Variants in LYSMD3 observed in about 807,000 individuals in gnomAD.
LYSMD3 encodes lysM and putative peptidoglycan-binding domain-containing protein 3.
LYSMD3 carries 13 observed loss-of-function variants against 26.1 expected under a neutral mutation model. The ratio of observed to expected loss-of-function variants is 0.50; its 90% CI spans 0.32 to 0.79. The LOEUF is 0.79. Ranked by LOEUF, LYSMD3 falls within the 30% of genes least tolerant of loss-of-function variation. The pLI is 0.03. For missense variants in LYSMD3, 331 were observed against 362.5 expected (o/e 0.91, Z 0.71); for synonymous variants, 109 against 119.4 (o/e 0.91, Z 0.57).
At chr5:90,527,019 G>A (rs1040236307) in intron 1 of LYSMD3, 1 of 152,098 alleles carries the variant, frequency 6.6e-6, no homozygotes, top group Admixed American at 6.6e-5. Flanking sequence ...ATATGGATAA[G>A]GAGTGTCCAG....
intron 1 of LYSMD3, among the ~76,000 whole-genome samples, chr5:90,528,430 A>T (rs1208156661): frequency 6.6e-6 from 1 of 152,204 alleles, no homozygotes; most frequent in Non-Finnish European, 1.5e-5. Flanking sequence ...GCCATTTTAG[A>T]TACTTGTTTC....
Position 90,519,171 on chromosome 5 carries a change from G to T in LYSMD3, c.569C>A (p.Thr190Lys), listed in dbSNP as rs752623555. The change falls in exon 3 of 3, where the codon ACA (threonine) becomes AAA (lysine). Residue 190 changes from threonine (T) to lysine (K), a missense_variant. This residue lies in a region of LYSMD3 where 262 missense variants were observed against 267.3 expected (regional missense o/e 0.98). Transcript: ENST00000315948. ...AGGTTCAAAACGCATTTGTTGTGCT[G>T]TTAAGGCCGATACTACCTCATTGAG... is the stretch of plus-strand genomic sequence containing the variant. ...ENLNEVVSAL[T>K]AQQMRFEPDN... 1 of 1,613,858 alleles carries T rather than the reference G, an allele frequency of 6.2e-7. No homozygotes were observed. The highest frequency in any genetic ancestry group is 8.5e-7 in the Non-Finnish European group (1 of 1,179,972).
rs1420434471 is a variant in LYSMD3, at chr5:90,524,914, A to G, written c.255+121T>C. ...GCCCATGTGACACAGATTTCTATGC[A>G]AAAAATAAGAGCAAAAAATGGAGAA... On this transcript the variant is annotated intron_variant, in intron 2 of 2. Coordinates refer to ENST00000315948, the MANE Select transcript of LYSMD3 (RefSeq NM_198273.2). The G allele has an allele frequency of 1.3e-5, 13 of 1,022,112 alleles. No homozygotes were observed. The East Asian group carries it at 1.6e-4, about 12-fold the overall frequency. 63.3% of individuals were successfully genotyped at this position (1,022,112 alleles called of 1,614,324 possible). A position where few individuals can be genotyped will look rare whatever the true frequency, so the allele number is the denominator to read the frequency against.
chr5:90,525,622 G>A (rs1753205804), intron 1 of LYSMD3, among the ~76,000 whole-genome samples: 1 of 152,126 alleles, frequency 6.6e-6, no homozygotes, highest in South Asian at 2.1e-4. Flanking sequence ...GCTAATTTTT[G>A]TATTTTTAGT....
Position 90,518,840 on chromosome 5 carries a change from A to T in LYSMD3, c.900T>A (p.Pro300=), listed in dbSNP as rs143346266. 1 of 1,613,216 alleles carries T rather than the reference A, an allele frequency of 6.2e-7. No homozygotes were observed. Among genetic ancestry groups the T allele is most frequent in the East Asian group, 2.2e-5 (1 of 44,858 alleles). ...ATTGCTATGTTTCCTGTTGAGCAGCAGGTGACTGAGAATCTTGACTATACA... is the reference window on the plus strand; with the variant it reads ...ATTGCTATGTTTCCTGTTGAGCAGCTGGTGACTGAGAATCTTGACTATACA... The part of the protein sequence containing the change: ...HKLYSQDSQS[P]AAQQET Residue 300 remains proline (P), a synonymous_variant, in exon 3 of 3, where the codon CCT becomes CCA. Coordinates refer to ENST00000315948, the MANE Select transcript of LYSMD3 (RefSeq NM_198273.2).
At chr5:90,525,370 T>C in intron 1 of LYSMD3, 70 bp from the exon 2 acceptor site, 1 of 1,356,480 alleles carries the variant, frequency 7.4e-7, no homozygotes. Flanking sequence ...GCATGCATCG[T>C]ACATTCAGGA....
chr5:90,527,411 ATTTT>A (rs71614754), intron 1 of LYSMD3, among the ~76,000 whole-genome samples: 3 of 140,682 alleles, frequency 2.1e-5, no homozygotes, highest in African/African-American at 5.3e-5. Flanking sequence ...TATTAATGGT[ATTTT>A]TTTTTTTTTT....
At position 90,519,302 on chromosome 5, in the gene LYSMD3, T is replaced by C. The variant is rs780224805; in HGVS notation, c.438A>G (p.Pro146=). 3.9e-5 allele frequency: 63 copies of C among 1,614,128 alleles called. No homozygotes were observed. Among genetic ancestry groups the C allele is most frequent in the Non-Finnish European group, 5.3e-5 (63 of 1,180,004 alleles). Reference sequence around the variant, plus strand: ...CACTGTAAGCAAGAGAATCATTAGCTGGCAAAATTTCCTGTTGTTCGGAAG... The same window carrying C: ...CACTGTAAGCAAGAGAATCATTAGCCGGCAAAATTTCCTGTTGTTCGGAAG... ...QYSSEQQEIL[P]ANDSLAYSDS... is the part of the protein sequence containing the mutation. Residue 146 remains proline, a synonymous_variant, in exon 3 of 3, where the codon CCA becomes CCG. Transcript: ENST00000315948.
intron 2 of LYSMD3, among the ~76,000 whole-genome samples, chr5:90,524,728 A>T (rs1753174769): frequency 6.6e-6 from 1 of 152,120 alleles, no homozygotes; most frequent in Admixed American, 6.5e-5. Flanking sequence ...AGTAGCTGGG[A>T]CTACAGGCGC....
rs761158034 is a variant in LYSMD3 at position 90,518,819 on chromosome 5, CTA to C, written c.919_920del (p.Ter307AlafsTer5). The part of the protein sequence containing the change: ...SQSPAAQQET[*>X] ...CTAACATTTGATTATGAGCTAATTG[CTA>C]TGTTTCCTGTTGAGCAGCAGGTGAC... On this transcript the variant is annotated frameshift_variant and stop_lost, in exon 3 of 3. Coordinates refer to ENST00000315948, the MANE Select transcript of LYSMD3 (RefSeq NM_198273.2). LOFTEE classifies it high-confidence loss of function. The C allele has an allele frequency of 3.9e-5, 63 of 1,608,546 alleles. No individual in the cohort carries two copies. The highest frequency in any genetic ancestry group is 2.1e-4 in the African/African-American group (16 of 74,878).
In LYSMD3 at chr5:90,518,774, TC is replaced by T. The variant is rs1753009562; in HGVS notation, c.*44del. The stretch of plus-strand genomic sequence containing the variant: ...ATTGGATATAACTGATTCACCACAT[TC>T]CAGATGCACATGTGACCACTAACAT... On this transcript the variant is annotated 3_prime_UTR_variant, in exon 3 of 3. Coordinates refer to ENST00000315948, the MANE Select transcript of LYSMD3 (RefSeq NM_198273.2). The T allele has an allele frequency of 1.3e-6, 2 of 1,482,310 alleles. No homozygotes were observed. Among genetic ancestry groups the T allele is most frequent in the South Asian group, 2.5e-5 (2 of 78,992 alleles). The allele number at this position is 1,482,310 out of a possible 1,614,324, so 91.8% of individuals were successfully genotyped here.
chr5:90,524,247 A>G (rs764746666), intron 2 of LYSMD3, among the ~76,000 whole-genome samples: 62 of 152,246 alleles, frequency 4.1e-4, no homozygotes, highest in Non-Finnish European at 5.9e-4. Flanking sequence ...GATACACTAA[A>G]GAATGAAAAA....
At position 90,516,269 on chromosome 5, in the gene LYSMD3, G is replaced by A. The variant is rs1752944532; in HGVS notation, c.*2550C>T. 1 of 152,042 alleles carries A rather than the reference G, an allele frequency of 6.6e-6. No individual in the cohort carries two copies. Among genetic ancestry groups the A allele is most frequent in the Non-Finnish European group, 1.5e-5 (1 of 67,942 alleles). The allele number at this position is 152,042 out of a possible 1,614,324, so 9.4% of individuals were successfully genotyped here. ...ATGAACTCCATAACTTCCTAGGAGT[G>A]AGATAGCAAAGAAATTTTATTTTAA... On this transcript the variant is annotated 3_prime_UTR_variant, in exon 3 of 3. Transcript: ENST00000315948.
At chr5:90,520,706 G>A (rs1037154760) in intron 2 of LYSMD3, among the ~76,000 whole-genome samples, 10 of 152,098 alleles carry the variant, frequency 6.6e-5, no homozygotes, top group African/African-American at 2.4e-4. Context: ...GATCACCTGA[G>A]GTCAGGAGTT....
At chr5:90,527,086 CAA>C (rs1356752512) in intron 1 of LYSMD3, 1 of 152,032 alleles carries the variant, frequency 6.6e-6, no homozygotes, top group Non-Finnish European at 1.5e-5. Context: ...AATAACATCT[CAA>C]AGACTCACTA....
intron 1 of LYSMD3, among the ~76,000 whole-genome samples, chr5:90,526,599 G>C (rs1384597753): frequency 6.6e-6 from 1 of 152,316 alleles, no homozygotes; most frequent in South Asian, 2.1e-4. Context: ...AAGATGGAGG[G>C]AAGTAGTAAG....
Position 90,518,925 on chromosome 5 carries a change from A to G in LYSMD3, c.815T>C (p.Met272Thr), listed in dbSNP as rs754035489. Residue 272 changes from methionine to threonine, a missense_variant, in exon 3 of 3, where the codon ATG (methionine) becomes ACG (threonine). Met to Thr is a moderately conservative substitution (Grantham distance 81, BLOSUM62 -1). Transcript: ENST00000315948. Reference protein sequence around the residue: ...KITPPSQQREMENGIVPTKGI... With the variant: ...KITPPSQQRETENGIVPTKGI... ...TTTAGTTGGCACAATTCCATTTTCCATTTCTCTCTGCTGTGATGGGGGTGT... is the reference window on the plus strand; with the variant it reads ...TTTAGTTGGCACAATTCCATTTTCCGTTTCTCTCTGCTGTGATGGGGGTGT... 1 of 1,613,916 alleles carries G rather than the reference A, an allele frequency of 6.2e-7. No individual in the cohort carries two copies. The highest frequency in any genetic ancestry group is 2.2e-5 in the East Asian group (1 of 44,854).
chr5:90,527,411 A>ATT (rs71614754), intron 1 of LYSMD3, among the ~76,000 whole-genome samples: 26,969 of 140,640 alleles, frequency 0.19, 3,127 homozygotes, highest in East Asian at 0.32. Context: ...TATTAATGGT[A>ATT]TTTTTTTTTT....
intron 1 of LYSMD3, among the ~76,000 whole-genome samples, chr5:90,527,409 G>GTT (rs1323024320): frequency 1.1e-5 from 1 of 93,682 alleles, no homozygotes; most frequent in South Asian, 3.6e-4. Flanking sequence ...TGTATTAATG[G>GTT]TATTTTTTTT....
Sources: allele counts gnomAD v4.1 joint callset (sites outside exome capture counted in the v4.1 genomes callset), GRCh38; gene constraint gnomAD v4.1.1; regional missense constraint gnomAD v4.1.1; transcripts MANE v1.5; gene names NCBI Gene and HGNC (gene_info 2026-07-23, HGNC 2026-07-21).